CERT1: variants seen among roughly 807,000 people sequenced by gnomAD.
The protein encoded by CERT1 is ceramide transporter 1.
A neutral mutation model predicts 87.9 loss-of-function variants in CERT1; 31 were observed. The observed-to-expected ratio is 0.35, with a 90% CI of 0.27 to 0.48. The LOEUF (loss-of-function observed/expected upper bound fraction) is 0.48, where lower values mean the gene tolerates loss of function less well. CERT1 is among the 20% of genes least tolerant of loss of function. The pLI, the probability that CERT1 is intolerant of heterozygous loss-of-function variation, is 0.99. For synonymous variants in CERT1, 289 were observed against 250.9 expected, an observed-to-expected ratio of 1.15 and a Z score of -1.44; for missense variants, 487 against 758.0, an observed-to-expected ratio of 0.64 and a Z score of 4.20.
chr5:75,436,415 A>G (rs1318400433), intron 3 of CERT1, among the ~76,000 whole-genome samples: 1 of 152,202 alleles, frequency 6.6e-6, no homozygotes, highest in Non-Finnish European at 1.5e-5. Context: ...TTTACCTAAA[A>G]TGGCTCTAGT....
intron 3 of CERT1, among the ~76,000 whole-genome samples, chr5:75,456,713 A>T (rs912635347): frequency 4.6e-5 from 7 of 151,502 alleles, no homozygotes; most frequent in Middle Eastern, 3.4e-3. Context: ...ACAATGCATC[A>T]CAACCCTGCA....
intron 3 of CERT1, among the ~76,000 whole-genome samples, chr5:75,453,816 G>A (rs1764857531): frequency 2.1e-5 from 1 of 47,420 alleles, no homozygotes; most frequent in Admixed American, 2.8e-4. Flanking sequence ...TTGCACGCGT[G>A]TATGTATGTG....
intron 2 of CERT1, among the ~76,000 whole-genome samples, chr5:75,501,147 G>A (rs1000698138): frequency 9.2e-5 from 14 of 151,850 alleles, no homozygotes; most frequent in Non-Finnish European, 1.8e-4. Flanking sequence ...ACGCCAAGCT[G>A]ATTTGTGTAT....
In CERT1 at chr5:75,488,734, T is replaced by G. The variant is rs538008980; in HGVS notation, c.231+17248A>C. ...ATCCAATTATTTTTGCTTTTATGAT[T>G]TGTTCCTTTTCCTTGAAGAATTTTA... On this transcript the variant is annotated intron_variant, in intron 2 of 16. Transcript: ENST00000643780. 1.1e-4 allele frequency among the ~76,000 whole-genome samples: 17 copies of G among 152,296 alleles called. No individual in the cohort carries two copies. The South Asian group carries it at 1.4e-3, about 13-fold the overall frequency.
At chr5:75,479,142 A>C (rs2112383757) in intron 2 of CERT1, among the ~76,000 whole-genome samples, 1 of 152,166 alleles carries the variant, frequency 6.6e-6, no homozygotes, top group Admixed American at 6.5e-5. Flanking sequence ...TTTAATAATA[A>C]TATGCTAGCT....
chr5:75,505,608 A>G (rs1350365488), intron 2 of CERT1: 1 of 153,422 alleles, frequency 6.5e-6, no homozygotes, highest in African/African-American at 2.4e-5. Context: ...TTAAAAATGA[A>G]TTTACATTTA....
chr5:75,413,837 A>C (rs535609041), intron 7 of CERT1, among the ~76,000 whole-genome samples: 1 of 152,332 alleles, frequency 6.6e-6, no homozygotes, highest in East Asian at 1.9e-4. Flanking sequence ...ATCACTTTGG[A>C]AAATCATCAG....
chr5:75,446,161 C>A (rs1764525007), intron 3 of CERT1, among the ~76,000 whole-genome samples: 1 of 152,118 alleles, frequency 6.6e-6, no homozygotes. Flanking sequence ...TCAGATGTGT[C>A]CCATAGTTCT....
intron 7 of CERT1, among the ~76,000 whole-genome samples, chr5:75,413,941 T>C (rs560967477): frequency 1.3e-5 from 2 of 152,022 alleles, no homozygotes; most frequent in South Asian, 2.1e-4. Context: ...AGAACTCTCA[T>C]AGCAGTTTCA....
intron 9 of CERT1, chr5:75,401,088 A>C (rs1762454687): frequency 6.6e-6 from 1 of 152,188 alleles, no homozygotes; most frequent in Non-Finnish European, 1.5e-5. Flanking sequence ...GATTTTATGG[A>C]TTACTGAAGC....
rs148688243 is a variant in CERT1 at position 75,432,844 on chromosome 5, G to C, written c.349-6366C>G. 2.1e-3 allele frequency among the ~76,000 whole-genome samples: 315 copies of C among 152,318 alleles called. 1 individual carries two copies. The East Asian group carries it at 0.027, about 13-fold the overall frequency. On this transcript the variant is annotated intron_variant, in intron 3 of 16. Transcript: ENST00000643780. ...TTATAGTTTTAGAACTTACATTTAT[G>C]TCTTTAATCCATCTTGAGTTAATTT...
downstream of CERT1, chr5:75,374,198 G>GAAAAAAAAAA: frequency 4.0e-6 from 1 of 248,056 alleles, no homozygotes; most frequent in Non-Finnish European, 6.9e-6. Context: ...GTCACTGAAG[G>GAAAAAAAAAA]AAAAAAAAAA....
chr5:75,456,663 CAAAAAAA>C (rs34320476), intron 3 of CERT1, among the ~76,000 whole-genome samples: 6 of 69,424 alleles, frequency 8.6e-5, no homozygotes, highest in Non-Finnish European at 1.6e-4. Flanking sequence ...GACCTCATCT[CAAAAAAA>C]AAAAAAAAAA....
intron 3 of CERT1, among the ~76,000 whole-genome samples, chr5:75,434,153 G>C (rs1763987840): frequency 6.7e-6 from 1 of 148,412 alleles, no homozygotes; most frequent in Non-Finnish European, 1.5e-5. Context: ...ATATTGTTTT[G>C]AGGTATGTTC....
chr5:75,429,196 T>C (rs1459037456), intron 3 of CERT1, among the ~76,000 whole-genome samples: 1 of 147,292 alleles, frequency 6.8e-6, no homozygotes, highest in African/African-American at 2.5e-5. Context: ...ATAATAATAA[T>C]AATTATTATT....
chr5:75,472,787 A>G (rs577556936), intron 2 of CERT1, among the ~76,000 whole-genome samples: 1 of 152,264 alleles, frequency 6.6e-6, no homozygotes, highest in South Asian at 2.1e-4. Context: ...AGTGTGGAGA[A>G]AAGGGAATCC....
At chr5:75,391,823 G>A (rs1290791746) in intron 11 of CERT1, among the ~76,000 whole-genome samples, 1 of 152,146 alleles carries the variant, frequency 6.6e-6, no homozygotes, top group African/African-American at 2.4e-5. Context: ...CTTTGAGGTA[G>A]GAAACTAGTA....
At position 75,471,790 on chromosome 5, in the gene CERT1, C is replaced by A. The variant is rs774783898; in HGVS notation, c.232-12609G>T. Among the ~76,000 whole-genome samples the A allele has an allele frequency of 7.8e-4, 117 of 150,074 alleles. 1 individual carries two copies. Among genetic ancestry groups the A allele is most frequent in the Non-Finnish European group, 1.0e-3 (70 of 67,712 alleles). On this transcript the variant is annotated intron_variant, in intron 2 of 16. Transcript: ENST00000643780. ...AAAAAAAAAAAGAAAAGGTGGTAGG[C>A]TGATGACTGAAACATCACTGTGTGA... is the stretch of plus-strand genomic sequence containing the variant.
intron 11 of CERT1, among the ~76,000 whole-genome samples, chr5:75,390,566 A>G: frequency 6.6e-6 from 1 of 152,184 alleles, no homozygotes; most frequent in Admixed American, 6.5e-5. Context: ...AATATTTCAC[A>G]CTACCAGAAT....
Sources: allele counts gnomAD v4.1 joint callset (sites outside exome capture counted in the v4.1 genomes callset), GRCh38; gene constraint gnomAD v4.1.1; transcripts MANE v1.5; gene names NCBI Gene and HGNC (gene_info 2026-07-23, HGNC 2026-07-21).